The following SNX29 variants were observed in gnomAD, a reference collection of about 807,000 sequenced individuals.
SNX29 encodes the protein sorting nexin 29.
SNX29 carries 78 observed loss-of-function variants against 102.1 expected under a neutral mutation model. The observed-to-expected ratio is 0.76, with a 90% confidence interval of 0.64 to 0.92. The LOEUF (loss-of-function observed/expected upper bound fraction) is 0.92, where lower values mean the gene tolerates loss of function less well. Ranked by LOEUF, SNX29 falls within the 40% of genes least tolerant of loss-of-function variation. The pLI is 0.00. For missense variants in SNX29, 1,280 were observed against 1,061.7 expected, an observed-to-expected ratio of 1.21 and a Z score of -2.86; for synonymous variants, 580 against 414.5, an observed-to-expected ratio of 1.40 and a Z score of -4.85.
chr16:12,358,123 G>C (rs112113395), intron 16 of SNX29, among the ~76,000 whole-genome samples: 5 of 152,164 alleles, frequency 3.3e-5, no homozygotes, highest in Non-Finnish European at 7.3e-5. Flanking sequence ...AAATTGCGGC[G>C]TTTTAGTGTA....
chr16:12,192,177 C>A (rs913882215), intron 13 of SNX29, among the ~76,000 whole-genome samples: 3 of 152,120 alleles, frequency 2.0e-5, no homozygotes, highest in Non-Finnish European at 2.9e-5. Flanking sequence ...TTATTGCAGT[C>A]GTTGGAAGCT....
At chr16:12,556,951 C>CAAGA (rs67721658) in intron 20 of SNX29, among the ~76,000 whole-genome samples, 14 of 2,104 alleles carry the variant, frequency 6.7e-3, no homozygotes, top group Non-Finnish European at 0.022. Flanking sequence ...CGCTCAGGCT[C>CAAGA]AGTCTTCCCA....
chr16:11,998,529 A>G (rs954427248), intron 1 of SNX29, among the ~76,000 whole-genome samples: 2 of 152,122 alleles, frequency 1.3e-5, no homozygotes, highest in Non-Finnish European at 2.9e-5. Flanking sequence ...CAACTCAGTG[A>G]TATCAGGGCT....
At chr16:12,484,049 C>G (rs1264156283) in intron 19 of SNX29, among the ~76,000 whole-genome samples, 2 of 152,198 alleles carry the variant, frequency 1.3e-5, no homozygotes, top group African/African-American at 4.8e-5. Context: ...ACAGCTTCAC[C>G]CATCCAAAAC....
intron 13 of SNX29, among the ~76,000 whole-genome samples, chr16:12,181,322 G>C (rs1329477007): frequency 2.0e-5 from 3 of 152,206 alleles, no homozygotes; most frequent in Non-Finnish European, 2.9e-5. Flanking sequence ...TACGTTCTAG[G>C]GAGACATGAG....
At chr16:12,110,882 G>C (rs2053476081) in intron 11 of SNX29, among the ~76,000 whole-genome samples, 1 of 151,772 alleles carries the variant, frequency 6.6e-6, no homozygotes, top group Non-Finnish European at 1.5e-5. Context: ...GGAGTGCAGT[G>C]GTGCGATCAT....
At chr16:12,151,734 G>A (rs1466714023) in intron 13 of SNX29, among the ~76,000 whole-genome samples, 1 of 151,962 alleles carries the variant, frequency 6.6e-6, no homozygotes, top group East Asian at 1.9e-4. Flanking sequence ...TTTTTTGTTT[G>A]TTTGTTTGTT....
chr16:12,395,709 TCAGA>T (rs1360495790), intron 16 of SNX29, among the ~76,000 whole-genome samples: 1 of 152,202 alleles, frequency 6.6e-6, no homozygotes, highest in Non-Finnish European at 1.5e-5. Context: ...TCCCCAGACT[TCAGA>T]CAAACAGGGG....
intron 9 of SNX29, among the ~76,000 whole-genome samples, chr16:12,063,366 CTTTTTTTTTTT>C (rs369015533): frequency 5.4e-5 from 3 of 55,338 alleles, no homozygotes; most frequent in African/African-American, 7.2e-5. Flanking sequence ...CCTAGTCCAT[CTTTTTTTTTTT>C]TTTTTTTTTT....
At position 12,572,120 on chromosome 16, in the gene SNX29, T is replaced by G; in HGVS notation, c.*3491T>G. 7.7e-6 allele frequency: 8 copies of G among 1,033,902 alleles called. No homozygotes were observed. Among genetic ancestry groups the G allele is most frequent in the East Asian group, 5.1e-5 (1 of 19,738 alleles). The allele number at this position is 1,033,902 out of a possible 1,614,324, so 64.0% of individuals were successfully genotyped here. ...GTGGACTGGGTCTGATCACAGCCCT[T>G]GGCCCTGCTTCATACTTTGGAGCTT... On this transcript the variant is annotated 3_prime_UTR_variant, in exon 21 of 21. Transcript: ENST00000566228.
At chr16:12,536,661 T>A (rs1469518607) in intron 20 of SNX29, among the ~76,000 whole-genome samples, 1 of 152,120 alleles carries the variant, frequency 6.6e-6, no homozygotes, top group Non-Finnish European at 1.5e-5. Context: ...GTTCCTTAGA[T>A]CCAGGGAAGA....
intron 18 of SNX29, among the ~76,000 whole-genome samples, chr16:12,438,698 T>A (rs140541879): frequency 2.5e-4 from 38 of 152,312 alleles, no homozygotes; most frequent in African/African-American, 8.7e-4. Flanking sequence ...ATGACCATAA[T>A]CATGAATGAA....
intron 15 of SNX29, among the ~76,000 whole-genome samples, chr16:12,292,157 G>C (rs1339786841): frequency 1.3e-5 from 2 of 152,128 alleles, no homozygotes; most frequent in Non-Finnish European, 2.9e-5. Context: ...GTGAGACAGG[G>C]TGGGGAAGGG....
rs150995842 is a variant in SNX29 at position 12,068,497 on chromosome 16, C to CAAAAA, written c.1244-543_1244-539dup. Among the ~76,000 whole-genome samples the CAAAAA allele has an allele frequency of 7.0e-4, 61 of 87,322 alleles. 1 individual carries two copies. Among genetic ancestry groups the CAAAAA allele is most frequent in the Non-Finnish European group, 8.5e-4 (40 of 47,274 alleles). The allele number at this position is 87,322 out of a possible 152,430, so 57.3% of individuals were successfully genotyped here. A position where few individuals can be genotyped will look rare whatever the true frequency, so the allele number is the denominator to read the frequency against. ...TGGGTGACACAGTGAGACCCTGTCTCAAAAAAAAAAAAAAAAAAAAAGTCA... is the reference window on the plus strand; with the variant it reads ...TGGGTGACACAGTGAGACCCTGTCTCAAAAAAAAAAAAAAAAAAAAAAAAAAGTCA... On this transcript the variant is annotated intron_variant, in intron 9 of 20. Coordinates refer to ENST00000566228, the MANE Select transcript of SNX29 (RefSeq NM_032167.5).
At chr16:12,315,211 G>C (rs1427878581) in intron 15 of SNX29, among the ~76,000 whole-genome samples, 1 of 152,150 alleles carries the variant, frequency 6.6e-6, no homozygotes, top group Non-Finnish European at 1.5e-5. Flanking sequence ...GGCTTCAGTG[G>C]GGCCTCCCAG....
At chr16:12,071,344 G>A (rs1394386016) in intron 10 of SNX29, among the ~76,000 whole-genome samples, 2 of 152,124 alleles carry the variant, frequency 1.3e-5, no homozygotes, top group Non-Finnish European at 2.9e-5. Flanking sequence ...ATTAATTTTT[G>A]TATAAGGTGT....
At chr16:12,150,264 A>T (rs1190067255) in intron 13 of SNX29, among the ~76,000 whole-genome samples, 1 of 152,168 alleles carries the variant, frequency 6.6e-6, no homozygotes, top group Non-Finnish European at 1.5e-5. Context: ...GCGAGAGATG[A>T]TGATGGTCAG....
At chr16:12,059,768 A>G (rs550424200) in intron 8 of SNX29, among the ~76,000 whole-genome samples, 4 of 152,198 alleles carry the variant, frequency 2.6e-5, no homozygotes, top group East Asian at 3.8e-4. Flanking sequence ...ATTACAGAAA[A>G]TATTTGTTGA....
At chr16:12,050,066 G>T (rs140843081) in intron 7 of SNX29, among the ~76,000 whole-genome samples, 74 of 152,332 alleles carry the variant, frequency 4.9e-4, no homozygotes, top group Non-Finnish European at 8.7e-4. Flanking sequence ...GTCTTGCCCT[G>T]TGCTTCTCCA....
Sources: allele counts gnomAD v4.1 joint callset (sites outside exome capture counted in the v4.1 genomes callset), GRCh38; gene constraint gnomAD v4.1.1; transcripts MANE v1.5; gene names NCBI Gene and HGNC (gene_info 2026-07-23, HGNC 2026-07-21).